The following GPR132 variants were observed in gnomAD, a reference collection of about 807,000 sequenced individuals.
GPR132 encodes the protein G protein-coupled receptor 132.
In GPR132, 4 loss-of-function variants were observed where a neutral mutation model predicts 1.9. The ratio of observed to expected loss-of-function variants is 2.13; its 90% CI spans 1.05 to 4.87. GPR132 has a LOEUF of 4.87. Among genes scored for constraint, GPR132 ranks in the 30% most tolerant of loss-of-function variants. The pLI is 0.01. For missense variants in GPR132, 404 were observed against 512.5 expected (o/e 0.79, Z 2.04); for synonymous variants, 233 against 234.2 (o/e 0.99, Z 0.05).
rs576301739 is a variant in GPR132, at chr14:105,060,656, C to T, written c.-860-3376G>A. ...CTGAGGCCCCTGGGCCCCATCAGAACGCCTGAGCCGCCCAGGAAGGGGCTC... is the reference window on the plus strand; with the variant it reads ...CTGAGGCCCCTGGGCCCCATCAGAATGCCTGAGCCGCCCAGGAAGGGGCTC... On this transcript the variant is annotated intron_variant, in intron 1 of 3. Transcript: ENST00000329797. This position sits in a 1 kb window ranked among gnomAD's most constrained non-coding sequence, Gnocchi z 6.3. 2.1e-4 allele frequency among the ~76,000 whole-genome samples: 32 copies of T among 152,324 alleles called. No individual in the cohort carries two copies. Among genetic ancestry groups the T allele is most frequent in the African/African-American group, 5.3e-4 (22 of 41,566 alleles).
intron 1 of GPR132, among the ~76,000 whole-genome samples, chr14:105,062,097 C>T (rs1167196921): frequency 6.6e-6 from 1 of 152,234 alleles, no homozygotes; most frequent in Admixed American, 6.5e-5. Context: ...CGTGGCCAGA[C>T]ATGATGGCCA....
chr14:105,058,542 G>A (rs895442204), intron 1 of GPR132, among the ~76,000 whole-genome samples: 1 of 152,240 alleles, frequency 6.6e-6, no homozygotes, highest in Non-Finnish European at 1.5e-5. Context: ...CCCGTACACG[G>A]GACTGACGGA....
At chr14:105,053,398 G>A (rs1287158756) in intron 3 of GPR132, among the ~76,000 whole-genome samples, 1 of 152,140 alleles carries the variant, frequency 6.6e-6, no homozygotes, top group Non-Finnish European at 1.5e-5. Flanking sequence ...GACCTCAGGT[G>A]ATCTGCCCTC....
Position 105,057,222 on chromosome 14 carries a change from T to C in GPR132, c.-802A>G. ...GTGGCTCTAAGATAAGCTTTCTAAG[T>C]ACATGTCATGCGTCTTGTCGGTCCT... On this transcript the variant is annotated 5_prime_UTR_variant, in exon 2 of 4. Transcript: ENST00000329797. The C allele has an allele frequency of 7.0e-7, 1 of 1,425,964 alleles. No individual in the cohort carries two copies. The highest frequency in any genetic ancestry group is 9.6e-7 in the Non-Finnish European group (1 of 1,046,676). 88.3% of individuals were successfully genotyped at this position (1,425,964 alleles called of 1,614,324 possible).
intron 3 of GPR132, chr14:105,054,286 T>A (rs1471340029): frequency 9.2e-7 from 1 of 1,082,814 alleles, no homozygotes; most frequent in Non-Finnish European, 1.1e-6. Context: ...CCCGCTGGCC[T>A]CAGGAACCTT....
rs1267978498 is a variant in GPR132 at position 105,060,692 on chromosome 14, TG to T, written c.-860-3413del. Among the ~76,000 whole-genome samples the T allele has an allele frequency of 3.3e-5, 5 of 152,296 alleles. No individual in the cohort carries two copies. Among genetic ancestry groups the T allele is most frequent in the African/African-American group, 4.8e-5 (2 of 41,580 alleles). ...CCCAGGAAGGGGCTCCCGGGGAGTC[TG>T]CCTCCTTCACTTTAACTGGACCAAG... On this transcript the variant is annotated intron_variant, in intron 1 of 3. Coordinates refer to ENST00000329797, the MANE Select transcript of GPR132 (RefSeq NM_013345.4). This position sits in a 1 kb window ranked among gnomAD's most constrained non-coding sequence, Gnocchi z 6.3.
At chr14:105,061,867 G>A (rs1886952737) in intron 1 of GPR132, among the ~76,000 whole-genome samples, 1 of 152,198 alleles carries the variant, frequency 6.6e-6, no homozygotes, top group Admixed American at 6.5e-5. Context: ...TGAGCCCTGT[G>A]GGAAAGGTCC....
intron 3 of GPR132, among the ~76,000 whole-genome samples, chr14:105,054,894 G>C (rs1441209026): frequency 1.3e-5 from 2 of 151,442 alleles, no homozygotes; most frequent in African/African-American, 2.4e-5. Context: ...ACAAAAATTA[G>C]ACAGGCGTGG....
rs7145287 is a variant in GPR132 at position 105,062,155 on chromosome 14, G to A, written c.-861+3224C>T. 9.9e-3 allele frequency among the ~76,000 whole-genome samples: 1,505 copies of A among 152,310 alleles called. 21 individuals are homozygous for A. Among genetic ancestry groups the A allele is most frequent in the African/African-American group, 0.035 (1,435 of 41,562 alleles). The stretch of plus-strand genomic sequence containing the variant: ...CCAGCCACAAGACCACAGTGTGTGT[G>A]GGCCCAGGTCAGCCTGACACCCCCG... On this transcript the variant is annotated intron_variant, in intron 1 of 3. Coordinates refer to ENST00000329797, the MANE Select transcript of GPR132 (RefSeq NM_013345.4).
rs1338325342 is a variant in GPR132 at position 105,051,435 on chromosome 14, A to G, written c.702T>C (p.Ala234=). ...RSIKQSMGLS[A]AQKAKVKHSA... ...AGTGCTTCACCTTGGCCTTCTGGGC[A>G]GCGCTTAAGCCCATGCTCTGCTTGA... is the stretch of plus-strand genomic sequence containing the variant. The change falls in exon 4 of 4, where the codon GCT becomes GCC. Residue 234 remains alanine, a synonymous_variant. Coordinates refer to ENST00000329797, the MANE Select transcript of GPR132 (RefSeq NM_013345.4). The surrounding 1 kb of genome is among the most constrained non-coding windows in gnomAD (Gnocchi z 8.0). The G allele has an allele frequency of 6.2e-7, 1 of 1,614,140 alleles. No individual in the cohort carries two copies.
At chr14:105,053,070 C>T (rs933853222) in intron 3 of GPR132, among the ~76,000 whole-genome samples, 5 of 151,770 alleles carry the variant, frequency 3.3e-5, no homozygotes, top group Middle Eastern at 3.2e-3. Flanking sequence ...GCCCTTCCAG[C>T]GCTGACCCAC....
chr14:105,061,504 C>T (rs1472798037), intron 1 of GPR132, among the ~76,000 whole-genome samples: 1 of 152,220 alleles, frequency 6.6e-6, no homozygotes, highest in Non-Finnish European at 1.5e-5. Context: ...AGTGGCCCCA[C>T]CCGCCAGCTG....
chr14:105,053,190 CTGCTCTGT>C (rs894164087), intron 3 of GPR132, among the ~76,000 whole-genome samples: 11 of 131,388 alleles, frequency 8.4e-5, no homozygotes, highest in African/African-American at 3.2e-4. Flanking sequence ...GTCTCTCCCT[CTGCTCTGT>C]TGCCCAGGCT....
intron 3 of GPR132, chr14:105,053,877 C>G: frequency 9.2e-7 from 1 of 1,088,780 alleles, no homozygotes; most frequent in Non-Finnish European, 1.1e-6. Flanking sequence ...CACAAAAGTC[C>G]TTAAATGTGG....
intron 1 of GPR132, among the ~76,000 whole-genome samples, chr14:105,058,581 G>T (rs1595139416): frequency 1.3e-5 from 2 of 152,240 alleles, no homozygotes; most frequent in Non-Finnish European, 2.9e-5. Context: ...GCAAAATTTT[G>T]CAATATGTTT....
chr14:105,051,586 T>C lies in GPR132; in HGVS notation c.551A>G (p.Glu184Gly), dbSNP rs747828722. ...HYPVFQTEDKETCFDMLQMDS... is the reference protein window; with the variant it reads ...HYPVFQTEDKGTCFDMLQMDS... ...CATCTGCAGCATGTCAAAGCAGGTC[T>C]CCTTGTCTTCCGTCTGGAACACCGG... The change falls in exon 4 of 4, where the codon GAG (glutamate) becomes GGG (glycine). Residue 184 changes from glutamate (E) to glycine (G), a missense_variant. By Grantham distance (98) the Glu-to-Gly change is moderately conservative. Transcript: ENST00000329797. This position sits in a 1 kb window ranked among gnomAD's most constrained non-coding sequence, Gnocchi z 8.0. 3.7e-6 allele frequency: 6 copies of C among 1,613,910 alleles called. No homozygotes were observed. In the African/African-American group the frequency reaches 8.0e-5, roughly 22 times the overall value.
At chr14:105,061,759 T>C (rs974508161) in intron 1 of GPR132, among the ~76,000 whole-genome samples, 4 of 151,862 alleles carry the variant, frequency 2.6e-5, no homozygotes, top group Admixed American at 6.6e-5. Context: ...GGGGAGTCCC[T>C]CCTGGGCTGT....
At chr14:105,061,771 C>T (rs1296346613) in intron 1 of GPR132, among the ~76,000 whole-genome samples, 2 of 152,038 alleles carry the variant, frequency 1.3e-5, no homozygotes, top group African/African-American at 4.8e-5. Context: ...CTGGGCTGTG[C>T]ATGGGGACCG....
rs1886896587 is a variant in GPR132, at chr14:105,059,906, C to G, written c.-860-2626G>C. Among the ~76,000 whole-genome samples the G allele has an allele frequency of 6.6e-6, 1 of 152,358 alleles. No homozygotes were observed. The highest frequency in any genetic ancestry group is 6.5e-5 in the Admixed American group (1 of 15,308). ...TGTTAACTTATGGAGAATTTTAAAG[C>G]AATACCTTGAAAACACATGAAAAAG... On this transcript the variant is annotated intron_variant, in intron 1 of 3. Coordinates refer to ENST00000329797, the MANE Select transcript of GPR132 (RefSeq NM_013345.4). This position sits in a 1 kb window ranked among gnomAD's most constrained non-coding sequence, Gnocchi z 4.2.
Sources: gnomAD v4.1 joint callset for allele counts (sites outside exome capture counted in the v4.1 genomes callset) on GRCh38, gnomAD v4.1.1 for gene constraint, Gnocchi (gnomAD v3.1) non-coding constraint, MANE v1.5 for transcripts, NCBI Gene and HGNC (gene_info 2026-07-23, HGNC 2026-07-21) for gene names.